The following ATG4D variants were observed in gnomAD, a reference collection of about 807,000 sequenced individuals.
The protein encoded by ATG4D is autophagy related 4D cysteine peptidase, also known as cysteine protease ATG4D.
ATG4D carries 51 observed loss-of-function variants against 55.2 expected under a neutral mutation model. The observed-to-expected ratio is 0.92, with a 90% confidence interval of 0.74 to 1.17. The LOEUF (loss-of-function observed/expected upper bound fraction) is 1.17. Ranked by LOEUF, ATG4D falls within the 50% of genes most tolerant of loss-of-function variation. The pLI is 0.00. For synonymous variants in ATG4D, 268 were observed against 266.2 expected, an observed-to-expected ratio of 1.01 and a Z score of -0.07; for missense variants, 635 against 649.6, an observed-to-expected ratio of 0.98 and a Z score of 0.25.
At chr19:10,546,520 A>G (rs1230764399) in intron 3 of ATG4D, among the ~76,000 whole-genome samples, 1 of 150,300 alleles carries the variant, frequency 6.7e-6, no homozygotes, top group Non-Finnish European at 1.5e-5. Flanking sequence ...TACTTTTTGT[A>G]TATTTTTTTT....
Position 10,543,922 on chromosome 19 carries a change from G to GGCGATGGCT in ATG4D, c.-165_-157dup. 1 of 411,040 alleles carries GGCGATGGCT rather than the reference G, an allele frequency of 2.4e-6. No individual in the cohort carries two copies. Among genetic ancestry groups the GGCGATGGCT allele is most frequent in the East Asian group, 3.8e-5 (1 of 26,162 alleles). The allele number at this position is 411,040 out of a possible 1,614,324, so 25.5% of individuals were successfully genotyped here. A position where few individuals can be genotyped will look rare whatever the true frequency, so the allele number is the denominator to read the frequency against. On this transcript the variant is annotated 5_prime_UTR_variant, in exon 1 of 10. The change creates a new upstream start codon in the 5' untranslated region. Coordinates refer to ENST00000309469, the MANE Select transcript of ATG4D (RefSeq NM_032885.6). ...ATCCGGGGTCCTGGCCCGCTAAGAT[G>GGCGATGGCT]GCGATGGCTGCGGTAGCAGCGGCGG...
At position 10,546,934 on chromosome 19, in the gene ATG4D, C is replaced by T; in HGVS notation, c.589C>T (p.Pro197Ser). ...RYHGPARWMP[P>S]RWAQGAPELE... is the part of the protein sequence containing the mutation. ...CCATGGGCCTGCCCGCTGGATGCCC[C>T]CACGCTGGGCCCAGGGTGCCCCTGA... The change falls in exon 4 of 10, where the codon CCA becomes TCA. Residue 197 changes from proline (P) to serine (S), a missense_variant. By Grantham distance (74) the Pro-to-Ser change is moderately conservative. Transcript: ENST00000309469. The T allele has an allele frequency of 6.2e-7, 1 of 1,612,208 alleles. No individual in the cohort carries two copies. Among genetic ancestry groups the T allele is most frequent in the Non-Finnish European group, 8.5e-7 (1 of 1,179,536 alleles).
In ATG4D at chr19:10,553,222, C is replaced by A; in HGVS notation, c.*155C>A. ...CAGTCTGGGGCCATTCAGCCAGGGA[C>A]AGAGCCCACAGAGCCCATACACCTG... On this transcript the variant is annotated 3_prime_UTR_variant, in exon 10 of 10. Coordinates refer to ENST00000309469, the MANE Select transcript of ATG4D (RefSeq NM_032885.6). 1.1e-6 allele frequency: 1 copy of A among 913,794 alleles called. No individual in the cohort carries two copies. The highest frequency in any genetic ancestry group is 1.6e-6 in the Non-Finnish European group (1 of 628,468). The allele number at this position is 913,794 out of a possible 1,614,324, so 56.6% of individuals were successfully genotyped here.
intron 5 of ATG4D, among the ~76,000 whole-genome samples, chr19:10,547,500 A>G (rs74630689): frequency 0.027 from 4,038 of 151,866 alleles, 68 homozygotes; most frequent in Non-Finnish European, 0.045. Flanking sequence ...GTGGTGGCAC[A>G]TACTGTAGTC....
Position 10,553,177 on chromosome 19 carries a change from CCCT to C in ATG4D, c.*112_*114del. 1 of 1,340,870 alleles carries C rather than the reference CCCT, an allele frequency of 7.5e-7. No homozygotes were observed. The highest frequency in any genetic ancestry group is 1.0e-6 in the Non-Finnish European group (1 of 1,004,792). 83.1% of individuals were successfully genotyped at this position (1,340,870 alleles called of 1,614,324 possible). A position where few individuals can be genotyped will look rare whatever the true frequency, so the allele number is the denominator to read the frequency against. On this transcript the variant is annotated 3_prime_UTR_variant, in exon 10 of 10. Transcript: ENST00000309469. The stretch of plus-strand genomic sequence containing the variant: ...GATGATGGTACTTCCTGTTGTCAGC[CCCT>C]CAAGCCCAGCTGCAACCAGTCTGGG...
intron 6 of ATG4D, 66 bp downstream of exon 6, chr19:10,549,100 A>G: frequency 6.3e-7 from 1 of 1,582,010 alleles, no homozygotes; most frequent in South Asian, 1.1e-5. Context: ...AGTTTGTGTT[A>G]GGGCTGCTGT....
At position 10,552,951 on chromosome 19, in the gene ATG4D, GACCACAGCCTGGAC is replaced by G. The variant is rs1402443755; in HGVS notation, c.1310_1323del (p.Asp437GlyfsTer28). 11 of 1,613,750 alleles carry G rather than the reference GACCACAGCCTGGAC, an allele frequency of 6.8e-6. No homozygotes were observed. The highest frequency in any genetic ancestry group is 9.3e-6 in the Non-Finnish European group (11 of 1,180,018). Reference sequence around the variant, plus strand: ...CACCCTGGCCGAGGGCCATGCTCAGGACCACAGCCTGGACGACCTCTGCTCCCAGCTCGCCCAGC... The same window carrying G: ...CACCCTGGCCGAGGGCCATGCTCAGGGACCTCTGCTCCCAGCTCGCCCAGC... On this transcript the variant is annotated frameshift_variant, in exon 10 of 10. Coordinates refer to ENST00000309469, the MANE Select transcript of ATG4D (RefSeq NM_032885.6). LOFTEE classifies it high-confidence loss of function.
intron 6 of ATG4D, among the ~76,000 whole-genome samples, chr19:10,549,604 G>T (rs1321952307): frequency 6.6e-6 from 1 of 151,360 alleles, no homozygotes; most frequent in Non-Finnish European, 1.5e-5. Flanking sequence ...TTTTAGTAGA[G>T]ACGGGGTTTC....
rs1405400789 is a variant in ATG4D, at chr19:10,552,086, A to C, written c.1087A>C (p.Thr363Pro). ...LYLDPHYCQP[T>P]VDVSQADFPL... Reference sequence around the variant, plus strand: ...CCTGGACCCTCACTACTGCCAGCCCACTGTGGATGTCAGCCAGGCCGACTT... The same window carrying C: ...CCTGGACCCTCACTACTGCCAGCCCCCTGTGGATGTCAGCCAGGCCGACTT... Residue 363 changes from threonine (T) to proline (P), a missense_variant, in exon 8 of 10, where the codon ACT becomes CCT. Coordinates refer to ENST00000309469, the MANE Select transcript of ATG4D (RefSeq NM_032885.6). 6.2e-7 allele frequency: 1 copy of C among 1,602,146 alleles called. No individual in the cohort carries two copies. Among genetic ancestry groups the C allele is most frequent in the African/African-American group, 1.4e-5 (1 of 73,272 alleles).
rs1350441670 is a variant in ATG4D at position 10,553,145 on chromosome 19, T to C, written c.*78T>C. On this transcript the variant is annotated 3_prime_UTR_variant, in exon 10 of 10. Coordinates refer to ENST00000309469, the MANE Select transcript of ATG4D (RefSeq NM_032885.6). ...ATGTCGGGTGTGGGATCTTGAGCTCTGGCAGTGATGATGGTACTTCCTGTT... is the reference window on the plus strand; with the variant it reads ...ATGTCGGGTGTGGGATCTTGAGCTCCGGCAGTGATGATGGTACTTCCTGTT... The C allele has an allele frequency of 2.1e-6, 3 of 1,453,824 alleles. No individual in the cohort carries two copies. Among genetic ancestry groups the C allele is most frequent in the East Asian group, 2.5e-5 (1 of 40,602 alleles). 90.1% of individuals were successfully genotyped at this position (1,453,824 alleles called of 1,614,324 possible). A position where few individuals can be genotyped will look rare whatever the true frequency, so the allele number is the denominator to read the frequency against.
chr19:10,548,939 C>G lies in ATG4D; in HGVS notation c.871C>G (p.Pro291Ala). The change falls in exon 6 of 10, where the codon CCA becomes GCA. Residue 291 changes from proline to alanine, a missense_variant. By Grantham distance (27) the Pro-to-Ala change is conservative. Coordinates refer to ENST00000309469, the MANE Select transcript of ATG4D (RefSeq NM_032885.6). ...GGATGTGGCACGCCTGGTGGCCAGG[C>G]CAGACCCCACAGCCGAGTGGAAGTC... ...KADVARLVAR[P>A]DPTAEWKSVV... The G allele has an allele frequency of 6.2e-7, 1 of 1,614,122 alleles. No homozygotes were observed. Among genetic ancestry groups the G allele is most frequent in the Non-Finnish European group, 8.5e-7 (1 of 1,180,028 alleles).
rs966456096 is a variant in ATG4D, at chr19:10,550,022, G to T, written c.966+988G>T. Among the ~76,000 whole-genome samples, 24 of 151,856 alleles carry T rather than the reference G, an allele frequency of 1.6e-4. 1 individual carries two copies. Among genetic ancestry groups the T allele is most frequent in the African/African-American group, 5.1e-4 (21 of 41,412 alleles). On this transcript the variant is annotated intron_variant, in intron 6 of 9. Transcript: ENST00000309469. ...CCCCCATCTCTACACAATTTTTTTT[G>T]AAAATATTCGAGTCTCACTCTCTTG...
At chr19:10,548,449 C>G (rs542182978) in intron 5 of ATG4D, among the ~76,000 whole-genome samples, 52 of 152,166 alleles carry the variant, frequency 3.4e-4, no homozygotes, top group Non-Finnish European at 5.9e-4. Context: ...AATGGGCTTA[C>G]GTAGCTGCAA....
chr19:10,545,098 C>G lies in ATG4D; in HGVS notation c.461C>G (p.Ala154Gly). The change falls in exon 3 of 10, where the codon GCA becomes GGA. Residue 154 changes from alanine (A) to glycine (G), a missense_variant. Physicochemically the swap from Ala to Gly is moderately conservative, Grantham distance 60. Coordinates refer to ENST00000309469, the MANE Select transcript of ATG4D (RefSeq NM_032885.6). ...TTACGCAGCGGCCAGATGATGCTGG[C>G]ACAGGGCCTTCTGCTGCATTTCCTG... The part of the protein sequence containing the change: ...CMLRSGQMML[A>G]QGLLLHFLPR... 6.2e-7 allele frequency: 1 copy of G among 1,612,170 alleles called. No individual in the cohort carries two copies. The highest frequency in any genetic ancestry group is 8.5e-7 in the Non-Finnish European group (1 of 1,180,024).
At chr19:10,547,719 G>T (rs1916084488) in intron 5 of ATG4D, among the ~76,000 whole-genome samples, 1 of 150,758 alleles carries the variant, frequency 6.6e-6, no homozygotes. Context: ...GATCACCTGA[G>T]GTCAGGTCAC....
rs1347805493 is a variant in ATG4D at position 10,544,257 on chromosome 19, C to T, written c.167C>T (p.Pro56Leu). Residue 56 changes from proline (P) to leucine (L), a missense_variant, in exon 1 of 10, where the codon CCG (proline) becomes CTG (leucine). By Grantham distance (98) the Pro-to-Leu change is moderately conservative. Coordinates refer to ENST00000309469, the MANE Select transcript of ATG4D (RefSeq NM_032885.6). ...GPALGSPGAG[P>L]SEPDEVDKFK... ...GCTCTTGGCTCTCCCGGGGCTGGCCCGAGTGAGCCGGACGAAGTGGACAAG... is the reference window on the plus strand; with the variant it reads ...GCTCTTGGCTCTCCCGGGGCTGGCCTGAGTGAGCCGGACGAAGTGGACAAG... 1 of 1,267,220 alleles carries T rather than the reference C, an allele frequency of 7.9e-7. No individual in the cohort carries two copies. Among genetic ancestry groups the T allele is most frequent in the East Asian group, 3.1e-5 (1 of 32,660 alleles). 78.5% of individuals were successfully genotyped at this position (1,267,220 alleles called of 1,614,324 possible).
At position 10,551,417 on chromosome 19, in the gene ATG4D, G is replaced by A. The variant is rs922989380; in HGVS notation, c.967-480G>A. Among the ~76,000 whole-genome samples, 15 of 152,114 alleles carry A rather than the reference G, an allele frequency of 9.9e-5. No homozygotes were observed. In the South Asian group the frequency reaches 1.2e-3, roughly 13 times the overall value. On this transcript the variant is annotated intron_variant, in intron 6 of 9. Transcript: ENST00000309469. ...ATGGAGGTTTCGGTGAGCCAAGATC[G>A]TGCTACTGCACTCCAGCCTGTAATC...
rs1247920150 is a variant in ATG4D at position 10,553,373 on chromosome 19, TG to T, written c.*311del. The stretch of plus-strand genomic sequence containing the variant: ...GGCCCTCCCTGTCCCAAAGCCCCCT[TG>T]GGGGAACTGTGGCTGCTGGGGGCCA... On this transcript the variant is annotated 3_prime_UTR_variant, in exon 10 of 10. Coordinates refer to ENST00000309469, the MANE Select transcript of ATG4D (RefSeq NM_032885.6). 2.0e-5 allele frequency: 6 copies of T among 297,398 alleles called. No homozygotes were observed. The highest frequency in any genetic ancestry group is 3.2e-5 in the Non-Finnish European group (5 of 158,108). The allele number at this position is 297,398 out of a possible 1,614,324, so 18.4% of individuals were successfully genotyped here.
rs1438904683 is a variant in ATG4D, at chr19:10,552,212, A to G, written c.1130A>G (p.His377Arg). ...SQADFPLESF[H>R]CTSPRKMAFA... The stretch of plus-strand genomic sequence containing the variant: ...CTCGTCTGTCTGCCCCAGTCCTTCC[A>G]CTGCACCTCGCCCCGCAAGATGGCC... Residue 377 changes from histidine (H) to arginine (R), a missense_variant, in exon 9 of 10, where the codon CAC (histidine) becomes CGC (arginine). His to Arg is a conservative substitution (Grantham distance 29, BLOSUM62 0). Coordinates refer to ENST00000309469, the MANE Select transcript of ATG4D (RefSeq NM_032885.6). 6.2e-7 allele frequency: 1 copy of G among 1,612,386 alleles called. No individual in the cohort carries two copies. Among genetic ancestry groups the G allele is most frequent in the Admixed American group, 1.7e-5 (1 of 59,980 alleles).
Sources: gnomAD v4.1 joint callset for allele counts (sites outside exome capture counted in the v4.1 genomes callset) on GRCh38, gnomAD v4.1.1 for gene constraint, MANE v1.5 for transcripts, NCBI Gene and HGNC (gene_info 2026-07-23, HGNC 2026-07-21) for gene names.